The following FAR2 variants were observed in gnomAD, a reference collection of about 807,000 sequenced individuals.
The protein encoded by FAR2 is epididymis secretory protein Li 81.
Under a neutral mutation model 56.0 loss-of-function variants are expected in FAR2, and 19 were observed. The observed-to-expected ratio is 0.34, with a 90% CI of 0.24 to 0.50. FAR2 has a LOEUF of 0.50. Ranked by LOEUF, FAR2 falls within the 20% of genes least tolerant of loss-of-function variation. The probability of loss-of-function intolerance (pLI) is 0.98; values close to 1 mark genes in which losing one functional copy is unlikely to be tolerated. For missense variants in FAR2, 508 were observed against 642.2 expected (o/e 0.79, Z 2.26); for synonymous variants, 219 against 218.8 (o/e 1.00, Z -0.01).
At chr12:29,321,288 G>A (rs935003345) in intron 9 of FAR2, among the ~76,000 whole-genome samples, 1 of 152,258 alleles carries the variant, frequency 6.6e-6, no homozygotes, top group South Asian at 2.1e-4. Flanking sequence ...CACTTTGGGA[G>A]GCCAAGGCAG....
At chr12:29,320,422 C>T (rs1365748942) in intron 9 of FAR2, among the ~76,000 whole-genome samples, 1 of 152,124 alleles carries the variant, frequency 6.6e-6, no homozygotes, top group Non-Finnish European at 1.5e-5. Context: ...TATTATGGTG[C>T]TTATATCAGG....
In FAR2 at chr12:29,219,520, T is replaced by A. The variant is rs530206820; in HGVS notation, c.-38-50892T>A. ...AGAACAGGGACTTTGTTTAGTTCAC[T>A]GCTGTACATCAGCACCTAGATGAGT... On this transcript the variant is annotated intron_variant, in intron 1 of 11. Coordinates refer to ENST00000536681, the MANE Select transcript of FAR2 (RefSeq NM_001271783.2). 3.9e-5 allele frequency among the ~76,000 whole-genome samples: 6 copies of A among 152,294 alleles called. No homozygotes were observed. The East Asian group carries it at 7.7e-4, about 20-fold the overall frequency.
At chr12:29,167,238 A>G (rs1212064959) in intron 1 of FAR2, among the ~76,000 whole-genome samples, 1 of 152,042 alleles carries the variant, frequency 6.6e-6, no homozygotes, top group East Asian at 1.9e-4. Flanking sequence ...AGTTGTTATA[A>G]ATATTTACCC....
chr12:29,171,503 G>C (rs2136587429), intron 1 of FAR2: 1 of 152,178 alleles, frequency 6.6e-6, no homozygotes, highest in East Asian at 1.9e-4. Flanking sequence ...CAACCATCTG[G>C]GAAGTGTGGA....
intron 1 of FAR2, among the ~76,000 whole-genome samples, chr12:29,209,816 A>G (rs1458166832): frequency 6.6e-6 from 1 of 152,158 alleles, no homozygotes; most frequent in Admixed American, 6.5e-5. Context: ...CTGCCTCACA[A>G]TACTCATTTA....
chr12:29,254,819 G>C (rs549247188), intron 1 of FAR2, among the ~76,000 whole-genome samples: 1 of 151,970 alleles, frequency 6.6e-6, no homozygotes. Context: ...CTGGCATGGT[G>C]GTGGGCACCT....
chr12:29,266,670 A>T lies in FAR2; in HGVS notation c.-38-3742A>T, dbSNP rs1331762367. Among the ~76,000 whole-genome samples, 4 of 152,262 alleles carry T rather than the reference A, an allele frequency of 2.6e-5. No individual in the cohort carries two copies. In the South Asian group the frequency reaches 8.3e-4, roughly 32 times the overall value. The stretch of plus-strand genomic sequence containing the variant: ...TAATTGGGTTGTTTGTAACACAAAG[A>T]ATGGATAAATGCTTGAGGTGATGGG... On this transcript the variant is annotated intron_variant, in intron 1 of 11. Transcript: ENST00000536681.
intron 1 of FAR2, among the ~76,000 whole-genome samples, chr12:29,189,082 C>G (rs1022136057): frequency 6.6e-6 from 1 of 152,088 alleles, no homozygotes; most frequent in Non-Finnish European, 1.5e-5. Flanking sequence ...GCTTTAGAAG[C>G]AGAGCACTAA....
intron 1 of FAR2, among the ~76,000 whole-genome samples, chr12:29,217,585 A>C (rs1947637929): frequency 6.6e-6 from 1 of 152,178 alleles, no homozygotes; most frequent in Admixed American, 6.5e-5. Context: ...GATATTCAAA[A>C]TCAGATGTGA....
intron 2 of FAR2, among the ~76,000 whole-genome samples, chr12:29,274,014 C>T (rs149497334): frequency 9.2e-5 from 14 of 152,124 alleles, no homozygotes; most frequent in East Asian, 3.9e-4. Flanking sequence ...CTGTTGCTGG[C>T]GAAGGATTCA....
intron 1 of FAR2, among the ~76,000 whole-genome samples, chr12:29,250,372 T>C (rs1948189538): frequency 6.6e-6 from 1 of 152,180 alleles, no homozygotes; most frequent in Non-Finnish European, 1.5e-5. Flanking sequence ...TGTGGGATAG[T>C]TAGAATTTTA....
chr12:29,214,769 C>G (rs968545467), intron 1 of FAR2, among the ~76,000 whole-genome samples: 3 of 151,724 alleles, frequency 2.0e-5, no homozygotes, highest in African/African-American at 4.8e-5. Flanking sequence ...TGCAGTGAGC[C>G]AAGATTGCAC....
chr12:29,256,686 G>A (rs1379656562), intron 1 of FAR2, among the ~76,000 whole-genome samples: 2 of 152,218 alleles, frequency 1.3e-5, no homozygotes, highest in East Asian at 3.9e-4. Context: ...GGCACTTGCG[G>A]GCCAGCTGGA....
Position 29,270,620 on chromosome 12 carries a change from C to T in FAR2, c.171C>T (p.Phe57=), listed in dbSNP as rs574206301. ...GCCAGACACTGCAGCAGAGGGTTTT[C>T]CAGATCCTAGACAGTAAGGTATGCC... ...KAGQTLQQRV[F]QILDSKLFEK... Residue 57 remains phenylalanine, a synonymous_variant, in exon 2 of 12, where the codon TTC becomes TTT. Transcript: ENST00000536681. 6.2e-7 allele frequency: 1 copy of T among 1,612,940 alleles called. No individual in the cohort carries two copies. Among genetic ancestry groups the T allele is most frequent in the Non-Finnish European group, 8.5e-7 (1 of 1,179,368 alleles).
chr12:29,265,626 T>C (rs571847576), intron 1 of FAR2, among the ~76,000 whole-genome samples: 1 of 151,960 alleles, frequency 6.6e-6, no homozygotes, highest in East Asian at 1.9e-4. Context: ...GGCAAAGATT[T>C]CTTGAGTAAT....
At chr12:29,204,588 T>A (rs1466521064) in intron 1 of FAR2, among the ~76,000 whole-genome samples, 3 of 152,180 alleles carry the variant, frequency 2.0e-5, no homozygotes, top group African/African-American at 7.2e-5. Context: ...AGTCCAATCT[T>A]GCACTGCTAT....
chr12:29,288,057 T>G (rs1227309861), intron 2 of FAR2, among the ~76,000 whole-genome samples: 3 of 152,220 alleles, frequency 2.0e-5, no homozygotes, highest in Non-Finnish European at 4.4e-5. Flanking sequence ...CTCTGTTGCC[T>G]CTGGGCTACA....
At chr12:29,164,270 G>GATGAGGCAGTTAGTCCCTA (rs1206313400) in intron 1 of FAR2, among the ~76,000 whole-genome samples, 3 of 152,220 alleles carry the variant, frequency 2.0e-5, no homozygotes, top group African/African-American at 7.2e-5. Context: ...ACGAGGCCTT[G>GATGAGGCAGTTAGTCCCTA]ATGAGGCAGT....
intron 1 of FAR2, among the ~76,000 whole-genome samples, chr12:29,221,775 T>C (rs11050137): frequency 0.043 from 6,532 of 152,264 alleles, 356 homozygotes; most frequent in African/African-American, 0.13. Context: ...CATCCTGAGT[T>C]GACTTTAAAC....
Sources: gnomAD v4.1 joint callset for allele counts (sites outside exome capture counted in the v4.1 genomes callset) on GRCh38, gnomAD v4.1.1 for gene constraint, MANE v1.5 for transcripts, NCBI Gene and HGNC (gene_info 2026-07-23, HGNC 2026-07-21) for gene names.